The following DKK2 variants were observed in gnomAD, a reference collection of about 807,000 sequenced individuals.
DKK2 encodes dickkopf-related protein 2.
A neutral mutation model predicts 28.1 loss-of-function variants in DKK2; 11 were observed. The observed-to-expected ratio is 0.39, with a 90% CI of 0.25 to 0.65. The LOEUF is 0.65. Ranked by LOEUF, DKK2 falls within the 30% of genes least tolerant of loss-of-function variation. DKK2 has a pLI of 0.47. For synonymous variants in DKK2, 135 were observed against 126.5 expected (o/e 1.07, Z -0.45); for missense variants, 326 against 335.5 (o/e 0.97, Z 0.22).
intron 1 of DKK2, among the ~76,000 whole-genome samples, chr4:106,947,895 T>A (rs1181111759): frequency 1.3e-5 from 2 of 152,042 alleles, no homozygotes. Flanking sequence ...AAGCTCTCCT[T>A]CTGTCTCAGC....
At chr4:106,951,680 G>C (rs979891848) in intron 1 of DKK2, among the ~76,000 whole-genome samples, 2 of 152,142 alleles carry the variant, frequency 1.3e-5, no homozygotes, top group Non-Finnish European at 2.9e-5. Flanking sequence ...CTATATGTGG[G>C]TGGCAGAGCA....
rs1724372326 is a variant in DKK2, at chr4:106,923,118, A to G, written c.*836T>C. 2 of 152,154 alleles carry G rather than the reference A, an allele frequency of 1.3e-5. No individual in the cohort carries two copies. Among genetic ancestry groups the G allele is most frequent in the African/African-American group, 4.8e-5 (2 of 41,442 alleles). 9.4% of individuals were successfully genotyped at this position (152,154 alleles called of 1,614,324 possible). A position where few individuals can be genotyped will look rare whatever the true frequency, so the allele number is the denominator to read the frequency against. ...AAATTCTGCTCTGTGTAAGTATTTT[A>G]CTAGTCACAATTTATGGGTATAGTT... On this transcript the variant is annotated 3_prime_UTR_variant, in exon 4 of 4. Transcript: ENST00000285311.
intron 1 of DKK2, among the ~76,000 whole-genome samples, chr4:107,011,226 T>A (rs1314948040): frequency 6.6e-6 from 1 of 151,574 alleles, no homozygotes; most frequent in Non-Finnish European, 1.5e-5. Flanking sequence ...TTGATGAACA[T>A]CATATAATCT....
chr4:106,970,475 A>C (rs2110354015), intron 1 of DKK2, among the ~76,000 whole-genome samples: 1 of 152,238 alleles, frequency 6.6e-6, no homozygotes, highest in South Asian at 2.1e-4. Context: ...TAAGTACTCA[A>C]CAATAGCTAT....
chr4:106,953,303 TA>T (rs1367527114), intron 1 of DKK2, among the ~76,000 whole-genome samples: 2 of 152,196 alleles, frequency 1.3e-5, no homozygotes, highest in Admixed American at 6.5e-5. Context: ...CCAGAGTGGG[TA>T]ATTGGATTTC....
intron 1 of DKK2, among the ~76,000 whole-genome samples, chr4:106,985,446 G>A (rs1202023622): frequency 6.6e-6 from 1 of 152,118 alleles, no homozygotes; most frequent in Non-Finnish European, 1.5e-5. Context: ...AGGGTACACC[G>A]GATGTCTTTA....
Position 106,995,019 on chromosome 4 carries a change from CAGAA to C in DKK2, c.222+40347_222+40350del, listed in dbSNP as rs535798722. Among the ~76,000 whole-genome samples, 114 of 152,274 alleles carry C rather than the reference CAGAA, an allele frequency of 7.5e-4. 2 individuals are homozygous for C. The Middle Eastern group carries it at 0.01, about 14-fold the overall frequency. Reference sequence around the variant, plus strand: ...ATTAAAACCATGGTTTCATGAGTTACAGAAAATGTTAACAGTATTAACCACATAT... The same window carrying C: ...ATTAAAACCATGGTTTCATGAGTTACAATGTTAACAGTATTAACCACATAT... On this transcript the variant is annotated intron_variant, in intron 1 of 3. Coordinates refer to ENST00000285311, the MANE Select transcript of DKK2 (RefSeq NM_014421.3).
intron 1 of DKK2, among the ~76,000 whole-genome samples, chr4:106,931,757 T>A (rs938134386): frequency 6.6e-6 from 1 of 152,224 alleles, no homozygotes; most frequent in East Asian, 1.9e-4. Flanking sequence ...AATATACAAG[T>A]CATCGCAACT....
At chr4:107,015,748 T>C (rs908983888) in intron 1 of DKK2, among the ~76,000 whole-genome samples, 1 of 151,712 alleles carries the variant, frequency 6.6e-6, no homozygotes, top group Non-Finnish European at 1.5e-5. Context: ...TGTTGGTTAA[T>C]TTGTGAATAC....
intron 1 of DKK2, among the ~76,000 whole-genome samples, chr4:106,996,479 G>A (rs976940169): frequency 6.6e-5 from 10 of 152,194 alleles, no homozygotes; most frequent in South Asian, 2.1e-4. Flanking sequence ...TAAACTATAC[G>A]AAATCACATG....
At chr4:107,029,940 A>AT (rs1436756609) in intron 1 of DKK2, among the ~76,000 whole-genome samples, 1 of 152,170 alleles carries the variant, frequency 6.6e-6, no homozygotes, top group African/African-American at 2.4e-5. Flanking sequence ...CTACTTTTGT[A>AT]TTTTTGCTGA....
At chr4:106,964,986 T>C (rs1160486797) in intron 1 of DKK2, among the ~76,000 whole-genome samples, 4 of 150,282 alleles carry the variant, frequency 2.7e-5, no homozygotes, top group Admixed American at 2.6e-4. Flanking sequence ...GATAGATAGA[T>C]AGATAGATAG....
chr4:106,984,079 C>T (rs765103410), intron 1 of DKK2, among the ~76,000 whole-genome samples: 1 of 152,208 alleles, frequency 6.6e-6, no homozygotes. Context: ...TGCAACTATC[C>T]TACAACCCAG....
At chr4:106,985,498 A>T (rs1200530911) in intron 1 of DKK2, among the ~76,000 whole-genome samples, 3 of 151,988 alleles carry the variant, frequency 2.0e-5, no homozygotes, top group Non-Finnish European at 2.9e-5. Flanking sequence ...AATTATCTGA[A>T]AAAAAAGTTT....
chr4:106,979,152 G>T (rs1486261711), intron 1 of DKK2, among the ~76,000 whole-genome samples: 7 of 152,056 alleles, frequency 4.6e-5, no homozygotes, highest in African/African-American at 1.7e-4. Flanking sequence ...ATTCAGAGGA[G>T]ATGTGGTGTT....
intron 1 of DKK2, among the ~76,000 whole-genome samples, chr4:106,965,003 AGATTGATT>A (rs757536517): frequency 5.9e-4 from 87 of 146,730 alleles, no homozygotes; most frequent in African/African-American, 2.0e-3. Context: ...ATAGATAGAT[AGATTGATT>A]GATTCTGATT....
chr4:106,931,562 C>G (rs1724505429), intron 1 of DKK2, among the ~76,000 whole-genome samples: 1 of 151,944 alleles, frequency 6.6e-6, no homozygotes, highest in Non-Finnish European at 1.5e-5. Flanking sequence ...AATAAAATAA[C>G]TTGACTATTA....
chr4:107,035,510 T>C lies in DKK2; in HGVS notation c.82A>G (p.Ile28Val). 6.2e-7 allele frequency: 1 copy of C among 1,614,040 alleles called. No individual in the cohort carries two copies. Among genetic ancestry groups the C allele is most frequent in the Non-Finnish European group, 8.5e-7 (1 of 1,180,014 alleles). The stretch of plus-strand genomic sequence containing the variant: ...TTGAGTTTGGCCCGCGAACTGCCGA[T>C]CTGTGAGCTCTCCACCATCAGCACC... ...AAVLMVESSQ[I>V]GSSRAKLNSI... The change falls in exon 1 of 4, where the codon ATC (isoleucine) becomes GTC (valine). Residue 28 changes from isoleucine to valine, a missense_variant. Transcript: ENST00000285311.
chr4:106,962,544 T>C (rs1294171221), intron 1 of DKK2, among the ~76,000 whole-genome samples: 1 of 126,390 alleles, frequency 7.9e-6, no homozygotes, highest in Non-Finnish European at 1.7e-5. Flanking sequence ...TGTGTGTGTG[T>C]GTGTGTGTGA....
Sources: gnomAD v4.1 joint callset for allele counts (sites outside exome capture counted in the v4.1 genomes callset) on GRCh38, gnomAD v4.1.1 for gene constraint, MANE v1.5 for transcripts, NCBI Gene and HGNC (gene_info 2026-07-23, HGNC 2026-07-21) for gene names.